DPP6: variants seen among roughly 807,000 people sequenced by gnomAD.
DPP6 encodes A-type potassium channel modulatory protein DPP6.
In DPP6, 69 loss-of-function variants were observed where a neutral mutation model predicts 122.6. That is an observed-to-expected ratio of 0.56 (90% confidence interval 0.46 to 0.69). The LOEUF is 0.69. Among genes scored for constraint, DPP6 ranks in the 30% least tolerant of loss-of-function variants. The probability of loss-of-function intolerance (pLI) is 0.00; values close to 1 mark genes in which losing one functional copy is unlikely to be tolerated. For missense variants in DPP6, 928 were observed against 1,116.9 expected, an observed-to-expected ratio of 0.83 and a Z score of 2.41; for synonymous variants, 418 against 433.1, an observed-to-expected ratio of 0.97 and a Z score of 0.43.
In DPP6 at chr7:154,023,725, G is replaced by A. The variant is rs1274931655; in HGVS notation, c.51+135991G>A. ...TCGAACTCCTGATCTCAGGTGATTCGCTCGCCTTGGCCTCCCAAAGTGCTG... is the reference window on the plus strand; with the variant it reads ...TCGAACTCCTGATCTCAGGTGATTCACTCGCCTTGGCCTCCCAAAGTGCTG... On this transcript the variant is annotated intron_variant, in intron 1 of 25. Coordinates refer to the DPP6 transcript ENST00000404039. Among the ~76,000 whole-genome samples, 5 of 152,098 alleles carry A rather than the reference G, an allele frequency of 3.3e-5. No homozygotes were observed. The South Asian group carries it at 6.2e-4, about 19-fold the overall frequency.
At chr7:153,788,103 A>G in the DPP6 span, among the ~76,000 whole-genome samples, 2 of 152,254 alleles carry the variant, frequency 1.3e-5, no homozygotes, top group African/African-American at 4.8e-5. Flanking sequence ...TTTTCATAAT[A>G]TTCTAGGTTA....
chr7:154,495,898 A>C (rs1824692263), intron 3 of DPP6, among the ~76,000 whole-genome samples: 1 of 152,186 alleles, frequency 6.6e-6, no homozygotes, highest in South Asian at 2.1e-4. Flanking sequence ...AACATTTGGC[A>C]CAGCAGTGCA....
chr7:153,969,818 T>C (rs1396498566), intron 1 of DPP6, among the ~76,000 whole-genome samples: 1 of 151,330 alleles, frequency 6.6e-6, no homozygotes, highest in African/African-American at 2.5e-5. Context: ...AGCTTCCCTC[T>C]ATCTTTTTAC....
chr7:154,695,787 C>T lies in DPP6; in HGVS notation c.762+26346C>T, dbSNP rs141660476. Among the ~76,000 whole-genome samples the T allele has an allele frequency of 5.9e-3, 903 of 152,226 alleles. 5 individuals are homozygous for T. Among genetic ancestry groups the T allele is most frequent in the African/African-American group, 0.021 (860 of 41,514 alleles). On this transcript the variant is annotated intron_variant, in intron 7 of 25. Coordinates refer to ENST00000377770, the MANE Select transcript of DPP6 (RefSeq NM_130797.4). ...GCCTGGTTCTAAGTCATTGGCCCTG[C>T]GGCACGTGGCCTGTCTGGAAATGAG...
intron 1 of DPP6, among the ~76,000 whole-genome samples, chr7:154,309,931 A>G (rs1366090954): frequency 6.6e-6 from 1 of 151,586 alleles, no homozygotes; most frequent in Non-Finnish European, 1.5e-5. Context: ...AAATTATCTA[A>G]GACTCTGTAG....
intron 7 of DPP6, among the ~76,000 whole-genome samples, chr7:154,711,589 C>T (rs1841182366): frequency 1.3e-5 from 2 of 152,192 alleles, no homozygotes; most frequent in Non-Finnish European, 2.9e-5. Context: ...TGTTGAATAA[C>T]CTGCTCACAG....
chr7:154,884,071 T>TACACATGCTCACACACATGCTCACCC (rs1805811094), intron 21 of DPP6: 1 of 113,238 alleles, frequency 8.8e-6, no homozygotes, highest in Non-Finnish European at 1.7e-5. Context: ...TGCTCACCCA[T>TACACATGCTCACACACATGCTCACCC]ACACATGCTC....
At chr7:153,791,665 C>A in the DPP6 span, among the ~76,000 whole-genome samples, 2 of 152,100 alleles carry the variant, frequency 1.3e-5, no homozygotes, top group African/African-American at 2.4e-5. Flanking sequence ...GGTGATCAAC[C>A]CGCCTTGGCA....
intron 1 of DPP6, among the ~76,000 whole-genome samples, chr7:154,410,346 T>C (rs980989982): frequency 3.9e-5 from 6 of 152,246 alleles, no homozygotes; most frequent in Non-Finnish European, 2.9e-5. Context: ...TTACAGAATT[T>C]TCTTCTAATT....
intron 1 of DPP6, among the ~76,000 whole-genome samples, chr7:154,233,927 G>A (rs1801053994): frequency 6.6e-6 from 1 of 152,206 alleles, no homozygotes; most frequent in African/African-American, 2.4e-5. Context: ...GAAAGGCTGT[G>A]GGTTGGATTA....
intron 1 of DPP6, among the ~76,000 whole-genome samples, chr7:154,024,580 T>C (rs1461177683): frequency 6.6e-6 from 1 of 152,160 alleles, no homozygotes; most frequent in Non-Finnish European, 1.5e-5. Flanking sequence ...GCACGTTGAA[T>C]TGGAAGTCAG....
chr7:154,277,149 A>G (rs1804194686), intron 1 of DPP6, among the ~76,000 whole-genome samples: 1 of 152,234 alleles, frequency 6.6e-6, no homozygotes, highest in Non-Finnish European at 1.5e-5. Context: ...CATGTGTGTC[A>G]GGCAACTCAC....
intron 6 of DPP6, among the ~76,000 whole-genome samples, chr7:154,639,197 G>A (rs1034971755): frequency 2.6e-5 from 4 of 152,234 alleles, no homozygotes; most frequent in Non-Finnish European, 4.4e-5. Context: ...TAGACAAAGG[G>A]AAGACGCATG....
intron 1 of DPP6, among the ~76,000 whole-genome samples, chr7:154,126,802 A>G (rs1186432225): frequency 1.3e-5 from 2 of 152,244 alleles, no homozygotes; most frequent in African/African-American, 4.8e-5. Context: ...GGAGGCCCCT[A>G]GCTCATGGGG....
At chr7:154,551,223 G>A (rs143089241) in intron 4 of DPP6, among the ~76,000 whole-genome samples, 170 of 152,322 alleles carry the variant, frequency 1.1e-3, no homozygotes, top group African/African-American at 4.0e-3. Context: ...AAATCTCCAA[G>A]TAGTCTTGAA....
chr7:154,637,753 A>T (rs1167686411), intron 5 of DPP6, 68 bp from the exon 6 acceptor site: 1 of 1,495,464 alleles, frequency 6.7e-7, no homozygotes, highest in African/African-American at 1.4e-5. Context: ...ATTCACAGTG[A>T]TTTGAAAAAT....
At chr7:153,964,792 C>G (rs1240705771) in intron 1 of DPP6, among the ~76,000 whole-genome samples, 2 of 57,800 alleles carry the variant, frequency 3.5e-5, no homozygotes, top group East Asian at 2.1e-3. Flanking sequence ...CTTTCCTTTC[C>G]TTTCCTTTCC....
chr7:154,611,073 A>G (rs934513019), intron 5 of DPP6, among the ~76,000 whole-genome samples: 3 of 152,178 alleles, frequency 2.0e-5, no homozygotes, highest in African/African-American at 4.8e-5. Flanking sequence ...CCATTATTAC[A>G]TTATAGATGG....
intron 17 of DPP6, among the ~76,000 whole-genome samples, chr7:154,860,509 G>A (rs184802017): frequency 6.6e-6 from 1 of 152,316 alleles, no homozygotes; most frequent in East Asian, 1.9e-4. Flanking sequence ...CAGCAGGGGG[G>A]CCTCCAATGA....
Sources: gnomAD v4.1 joint callset for allele counts (sites outside exome capture counted in the v4.1 genomes callset) on GRCh38, gnomAD v4.1.1 for gene constraint, MANE v1.5 for transcripts, NCBI Gene and HGNC (gene_info 2026-07-23, HGNC 2026-07-21) for gene names.